The following SOX5 variants were observed in gnomAD, a reference collection of about 807,000 sequenced individuals.
SOX5 encodes the protein transcription factor SOX-5.
SOX5 carries 9 observed loss-of-function variants against 92.0 expected under a neutral mutation model. The ratio of observed to expected loss-of-function variants is 0.10; its 90% CI spans 0.06 to 0.17. The LOEUF (loss-of-function observed/expected upper bound fraction) is 0.17. Ranked by LOEUF, SOX5 falls within the 10% of genes least tolerant of loss-of-function variation. SOX5 has a pLI of 1.00. For synonymous variants in SOX5, 344 were observed against 336.3 expected, an observed-to-expected ratio of 1.02 and a Z score of -0.25; for missense variants, 642 against 944.5, an observed-to-expected ratio of 0.68 and a Z score of 4.20.
At chr12:24,109,342 C>A (rs1455692334) in intron 4 of SOX5, among the ~76,000 whole-genome samples, 1 of 152,108 alleles carries the variant, frequency 6.6e-6, no homozygotes, top group African/African-American at 2.4e-5. Flanking sequence ...AAATCCTTTT[C>A]TTTAAATAGT....
chr12:23,591,943 C>T (rs1951626863), intron 9 of SOX5, among the ~76,000 whole-genome samples: 1 of 151,844 alleles, frequency 6.6e-6, no homozygotes, highest in Non-Finnish European at 1.5e-5. Context: ...TTATTTTTCT[C>T]CTATTTATGA....
chr12:24,430,481 TAAC>T (rs924521605), intron 1 of SOX5, among the ~76,000 whole-genome samples: 55 of 151,980 alleles, frequency 3.6e-4, no homozygotes, highest in African/African-American at 1.3e-3. Context: ...TCATTAAACT[TAAC>T]AGCATCAATA....
At chr12:24,228,663 T>C (rs1474867094) in intron 3 of SOX5, among the ~76,000 whole-genome samples, 1 of 152,130 alleles carries the variant, frequency 6.6e-6, no homozygotes, top group Non-Finnish European at 1.5e-5. Context: ...TGTGTGTGCG[T>C]GTGTGTGCGT....
intron 1 of SOX5, among the ~76,000 whole-genome samples, chr12:23,911,413 T>C (rs1162223769): frequency 6.6e-6 from 1 of 151,990 alleles, no homozygotes; most frequent in Non-Finnish European, 1.5e-5. Flanking sequence ...TCCCAGAGAG[T>C]CAATTTTGTT....
At chr12:23,746,052 G>A (rs992154350) in intron 4 of SOX5, among the ~76,000 whole-genome samples, 2 of 152,052 alleles carry the variant, frequency 1.3e-5, no homozygotes, top group African/African-American at 2.4e-5. Context: ...TAAGAGAGTT[G>A]AGCCAAAAAA....
At chr12:24,243,155 T>C (rs1164690697) in intron 3 of SOX5, among the ~76,000 whole-genome samples, 1 of 152,152 alleles carries the variant, frequency 6.6e-6, no homozygotes, top group Non-Finnish European at 1.5e-5. Flanking sequence ...GTAACAAGAA[T>C]TTAAAAAGAA....
chr12:24,240,341 T>A (rs1472590815), intron 3 of SOX5, among the ~76,000 whole-genome samples: 2 of 152,160 alleles, frequency 1.3e-5, no homozygotes, highest in Middle Eastern at 3.2e-3. Context: ...TCTTCATTTG[T>A]CAATACTGAT....
intron 4 of SOX5, among the ~76,000 whole-genome samples, chr12:23,990,895 T>A (rs1950494194): frequency 6.6e-6 from 1 of 152,058 alleles, no homozygotes; most frequent in Admixed American, 6.6e-5. Context: ...CAATAGAAAG[T>A]TTAAGTAACA....
chr12:23,538,740 C>A (rs1462956787), intron 13 of SOX5, among the ~76,000 whole-genome samples: 1 of 150,242 alleles, frequency 6.7e-6, no homozygotes, highest in Admixed American at 6.6e-5. Context: ...GATGGTTGAT[C>A]TAATATAAAA....
intron 4 of SOX5, among the ~76,000 whole-genome samples, chr12:24,088,345 G>A (rs1944255255): frequency 6.6e-6 from 1 of 151,944 alleles, no homozygotes; most frequent in African/African-American, 2.4e-5. Context: ...CATTTACATA[G>A]TGTAGCAAAA....
At chr12:24,136,879 T>C (rs1344821233) in intron 4 of SOX5, among the ~76,000 whole-genome samples, 2 of 152,226 alleles carry the variant, frequency 1.3e-5, no homozygotes, top group African/African-American at 4.8e-5. Flanking sequence ...CTGAAGGCCT[T>C]TGTTACACTT....
intron 1 of SOX5, among the ~76,000 whole-genome samples, chr12:24,544,472 T>C (rs918643549): frequency 1.3e-5 from 2 of 152,180 alleles, no homozygotes; most frequent in African/African-American, 4.8e-5. Flanking sequence ...AGGCAGGATA[T>C]GGATCATAAA....
At chr12:24,331,773 AG>A (rs931477910) in intron 2 of SOX5, among the ~76,000 whole-genome samples, 3 of 137,132 alleles carry the variant, frequency 2.2e-5, no homozygotes, top group African/African-American at 8.0e-5. Flanking sequence ...CCTTGAGCCC[AG>A]GGGGCAGAGG....
At chr12:24,403,086 A>G (rs1287479033) in intron 1 of SOX5, among the ~76,000 whole-genome samples, 1 of 152,222 alleles carries the variant, frequency 6.6e-6, no homozygotes, top group Non-Finnish European at 1.5e-5. Flanking sequence ...GACATGCTAC[A>G]TTATTTACAG....
chr12:23,544,810 CA>C (rs1165682487), intron 12 of SOX5, among the ~76,000 whole-genome samples: 88 of 152,154 alleles, frequency 5.8e-4, no homozygotes, highest in Non-Finnish European at 8.8e-5. Context: ...CTTTTATTGA[CA>C]AAATAAGTGC....
chr12:24,237,649 C>G (rs1021342530), intron 3 of SOX5, among the ~76,000 whole-genome samples: 20 of 150,722 alleles, frequency 1.3e-4, no homozygotes, highest in Non-Finnish European at 2.7e-4. Flanking sequence ...AATATTTGAA[C>G]TAGTCAAGTT....
intron 4 of SOX5, among the ~76,000 whole-genome samples, chr12:24,066,510 G>T (rs527823289): frequency 6.6e-6 from 1 of 152,034 alleles, no homozygotes; most frequent in African/African-American, 2.4e-5. Flanking sequence ...AACAATAAAA[G>T]AATGAATTTT....
intron 4 of SOX5, among the ~76,000 whole-genome samples, chr12:23,959,658 T>G (rs570272699): frequency 6.6e-6 from 1 of 152,128 alleles, no homozygotes; most frequent in Non-Finnish European, 1.5e-5. Context: ...ACCCCCTCCA[T>G]GATCTATAAA....
At chr12:23,876,370 GA>G (rs1206082883) in intron 2 of SOX5, among the ~76,000 whole-genome samples, 5 of 152,050 alleles carry the variant, frequency 3.3e-5, no homozygotes, top group Non-Finnish European at 5.9e-5. Flanking sequence ...ATAAACATAT[GA>G]AAAAAAGCTC....
Sources: allele counts gnomAD v4.1 joint callset (sites outside exome capture counted in the v4.1 genomes callset), GRCh38; gene constraint gnomAD v4.1.1; transcripts MANE v1.5; gene names NCBI Gene and HGNC (gene_info 2026-07-23, HGNC 2026-07-21).